The following SLC36A3 variants were observed in gnomAD, a reference collection of about 807,000 sequenced individuals.
SLC36A3 encodes solute carrier family 36 member 3, also known as proton-coupled amino acid transporter 3.
Under a neutral mutation model 44.3 loss-of-function variants are expected in SLC36A3, and 35 were observed. That is an observed-to-expected ratio of 0.79 (90% CI 0.60 to 1.05). SLC36A3 has a LOEUF of 1.05. Ranked by LOEUF, SLC36A3 falls within the 50% of genes least tolerant of loss-of-function variation. The pLI, the probability that SLC36A3 is intolerant of heterozygous loss-of-function variation, is 0.00. For missense variants in SLC36A3, 540 were observed against 578.7 expected, an observed-to-expected ratio of 0.93 and a Z score of 0.69; for synonymous variants, 211 against 227.6, an observed-to-expected ratio of 0.93 and a Z score of 0.66.
intron 1 of SLC36A3, among the ~76,000 whole-genome samples, chr5:151,299,256 CTCTCTCTCTATA>C (rs201459071): frequency 0.012 from 883 of 76,514 alleles, 20 homozygotes; most frequent in Admixed American, 0.088. Context: ...CTCTCTCTCT[CTCTCTCTCTATA>C]TATATATATA....
At chr5:151,296,122 A>T in intron 3 of SLC36A3, 58 bp downstream of exon 3, 1 of 1,533,242 alleles carries the variant, frequency 6.5e-7, no homozygotes, top group Non-Finnish European at 9.0e-7. Flanking sequence ...TCAAAAGAAG[A>T]GCAACACACC....
chr5:151,294,665 A>T (rs1966486), intron 3 of SLC36A3, among the ~76,000 whole-genome samples: 72,424 of 150,904 alleles, frequency 0.48, 18,751 homozygotes, highest in African/African-American at 0.67. Context: ...TTTTCACTCT[A>T]GTTGCCCAGG....
intron 8 of SLC36A3, among the ~76,000 whole-genome samples, chr5:151,282,150 C>T (rs540760555): frequency 8.3e-4 from 25 of 30,270 alleles, no homozygotes; most frequent in South Asian, 2.2e-3. Context: ...GACGGAGTTT[C>T]GCTTTTATTG....
At chr5:151,292,178 T>A (rs771243000) in intron 4 of SLC36A3, among the ~76,000 whole-genome samples, 2 of 152,212 alleles carry the variant, frequency 1.3e-5, no homozygotes, top group Non-Finnish European at 2.9e-5. Context: ...GGGCAGTTTT[T>A]AATCAAGCTC....
chr5:151,302,927 G>T (rs1291331181), intron 1 of SLC36A3, among the ~76,000 whole-genome samples: 1 of 151,940 alleles, frequency 6.6e-6, no homozygotes. Context: ...GACTGTGGAA[G>T]AAAGAAAGGG....
In SLC36A3 at chr5:151,283,282, T is replaced by C. The variant is rs145426837; in HGVS notation, c.974+762A>G. On this transcript the variant is annotated intron_variant, in intron 8 of 9. Transcript: ENST00000335230. ...TGTTCTGCCCTTTGCCCATTTCTCA[T>C]TGGGTGGTTGGTCTTTTTCTTATTG... 5.3e-5 allele frequency among the ~76,000 whole-genome samples: 8 copies of C among 151,944 alleles called. No individual in the cohort carries two copies. In the East Asian group the frequency reaches 5.8e-4, roughly 11 times the overall value.
chr5:151,296,314 T>G (rs777685744), intron 2 of SLC36A3, 46 bp from the exon 3 acceptor site: 1 of 1,521,984 alleles, frequency 6.6e-7, no homozygotes, highest in South Asian at 1.1e-5. Flanking sequence ...AAATGATCAC[T>G]CCCATTCCCT....
In SLC36A3 at chr5:151,288,468, T is replaced by C; in HGVS notation, c.407A>G (p.Tyr136Cys). The change falls in exon 5 of 10, where the codon TAC becomes TGC. Residue 136 changes from tyrosine (Y) to cysteine (C), a missense_variant and splice_region_variant. Physicochemically the swap from Tyr to Cys is radical, Grantham distance 194 (BLOSUM62 -2). Transcript: ENST00000335230. ...GATGACTAATAAGAAGCTGACAGTG[T>C]ACCTGGGAAGGAAAGGAAGAGGCAG... ...WLRAHAVWGRYTVSFLLVITQ... is the reference protein window; with the variant it reads ...WLRAHAVWGRCTVSFLLVITQ... 1.3e-6 allele frequency: 2 copies of C among 1,555,540 alleles called. No homozygotes were observed. The highest frequency in any genetic ancestry group is 2.5e-5 in the South Asian group (2 of 79,762).
intron 7 of SLC36A3, 66 bp from the exon 8 acceptor site, chr5:151,284,276 G>GGC: frequency 5.7e-6 from 8 of 1,413,644 alleles, no homozygotes; most frequent in South Asian, 1.4e-5. Context: ...GTGAAGGAGA[G>GGC]GGTTCCCGTA....
chr5:151,298,542 C>T (rs762114028), intron 2 of SLC36A3, 51 bp downstream of exon 2: 1 of 1,580,874 alleles, frequency 6.3e-7, no homozygotes, highest in Non-Finnish European at 8.7e-7. Context: ...GACCTATCAC[C>T]CCCTTCTGCA....
intron 9 of SLC36A3, among the ~76,000 whole-genome samples, chr5:151,279,955 T>C (rs1754247279): frequency 6.6e-6 from 1 of 152,198 alleles, no homozygotes; most frequent in Admixed American, 6.5e-5. Context: ...ACTTTGCTTC[T>C]CCAGGCAAAA....
chr5:151,284,631 T>G lies in SLC36A3; in HGVS notation c.789A>C (p.Thr263=), dbSNP rs1201335639. 3.1e-6 allele frequency: 5 copies of G among 1,611,548 alleles called. No homozygotes were observed. The highest frequency in any genetic ancestry group is 3.4e-6 in the Non-Finnish European group (4 of 1,178,314). ...ATCTTACCATACCGACGCCTTCAAA[T>G]GTGAAGATGGCTGTACCAAAGAACA... ...FLLFFGTAIF[T]FEGVGMVLPL... Residue 263 remains threonine (T), a synonymous_variant, in exon 7 of 10, where the codon ACA becomes ACC. Transcript: ENST00000335230.
intron 4 of SLC36A3, among the ~76,000 whole-genome samples, chr5:151,292,857 G>A (rs913488600): frequency 5.9e-5 from 9 of 152,256 alleles, no homozygotes; most frequent in African/African-American, 1.2e-4. Flanking sequence ...GGTGGTGGGC[G>A]CCTGTAATCC....
intron 6 of SLC36A3, among the ~76,000 whole-genome samples, chr5:151,286,406 C>T (rs1428272531): frequency 6.6e-6 from 1 of 152,174 alleles, no homozygotes; most frequent in Non-Finnish European, 1.5e-5. Flanking sequence ...GATCCATCCA[C>T]CTCAGCTTCC....
At chr5:151,290,987 CTT>C (rs879631219) in intron 4 of SLC36A3, among the ~76,000 whole-genome samples, 6 of 145,548 alleles carry the variant, frequency 4.1e-5, no homozygotes, top group Admixed American at 6.9e-5. Flanking sequence ...ACAATAATTT[CTT>C]TTTTTTTTTT....
At chr5:151,284,900 A>G (rs1184125034) in intron 6 of SLC36A3, among the ~76,000 whole-genome samples, 189 bp from the exon 7 acceptor site, 1 of 152,216 alleles carries the variant, frequency 6.6e-6, no homozygotes, top group Non-Finnish European at 1.5e-5. Context: ...AAATACACAT[A>G]ACATTTTACC....
chr5:151,296,268 C>G lies in SLC36A3; in HGVS notation c.220G>C (p.Val74Leu), dbSNP rs1754957226. 2 of 1,613,946 alleles carry G rather than the reference C, an allele frequency of 1.2e-6. No homozygotes were observed. Among genetic ancestry groups the G allele is most frequent in the Non-Finnish European group, 1.7e-6 (2 of 1,179,884 alleles). ...ATGGCCAGAAGGCTGACAGGACCGA[C>G]CTGGAGGGGAGAGGAGAAAGGGGGA... The part of the protein sequence containing the change: ...PLAIKNAGLL[V>L]GPVSLLAIGV... The change falls in exon 3 of 10, where the codon GTC becomes CTC. Residue 74 changes from valine (V) to leucine (L), a missense_variant and splice_region_variant. By Grantham distance (32) the Val-to-Leu change is conservative. Transcript: ENST00000335230.
chr5:151,287,594 T>A (rs1276677256), intron 5 of SLC36A3, 130 bp from the exon 6 acceptor site: 2 of 826,514 alleles, frequency 2.4e-6, no homozygotes, highest in Non-Finnish European at 3.8e-6. Flanking sequence ...TAAGACACGC[T>A]CATAGTAAAA....
Position 151,284,619 on chromosome 5 carries a change from G to A in SLC36A3, c.801C>T (p.Val267=). The change falls in exon 7 of 10, where the codon GTC becomes GTT. Residue 267 remains valine, a synonymous_variant. Transcript: ENST00000335230. ...TGAACCCCATCAATCTTACCATACC[G>A]ACGCCTTCAAATGTGAAGATGGCTG... ...FGTAIFTFEG[V]GMVLPLKNQM... 6.2e-7 allele frequency: 1 copy of A among 1,609,916 alleles called. No individual in the cohort carries two copies. The highest frequency in any genetic ancestry group is 1.3e-5 in the African/African-American group (1 of 74,952).
Sources: allele counts gnomAD v4.1 joint callset (sites outside exome capture counted in the v4.1 genomes callset), GRCh38; gene constraint gnomAD v4.1.1; transcripts MANE v1.5; gene names NCBI Gene and HGNC (gene_info 2026-07-23, HGNC 2026-07-21).